KIF26B: variants seen among roughly 807,000 people sequenced by gnomAD.
KIF26B encodes the protein kinesin-like protein KIF26B.
Under a neutral mutation model 151.2 loss-of-function variants are expected in KIF26B, and 63 were observed. That is an observed-to-expected ratio of 0.42 (90% CI 0.34 to 0.51). The LOEUF is 0.51. Among genes scored for constraint, KIF26B ranks in the 20% least tolerant of loss-of-function variants. The probability of loss-of-function intolerance (pLI) is 0.07; values close to 1 mark genes in which losing one functional copy is unlikely to be tolerated. For synonymous variants in KIF26B, 1,357 were observed against 1,262.1 expected (o/e 1.08, Z -1.59); for missense variants, 2,813 against 2,913.6 (o/e 0.97, Z 0.79).
At chr1:245,592,637 A>G (rs567761285) in intron 5 of KIF26B, among the ~76,000 whole-genome samples, 10 of 152,114 alleles carry the variant, frequency 6.6e-5, no homozygotes, top group South Asian at 4.2e-4. Flanking sequence ...CCTGGAGGGC[A>G]CCCCAGCCCC....
At chr1:245,266,738 C>A (rs1461443944) in intron 2 of KIF26B, among the ~76,000 whole-genome samples, 1 of 152,108 alleles carries the variant, frequency 6.6e-6, no homozygotes, top group Non-Finnish European at 1.5e-5. Flanking sequence ...AACTCCTGAC[C>A]TTGTGATCCA....
intron 4 of KIF26B, among the ~76,000 whole-genome samples, chr1:245,449,015 A>G (rs138030165): frequency 6.6e-6 from 1 of 152,312 alleles, no homozygotes; most frequent in Admixed American, 6.5e-5. Flanking sequence ...AATGCCTGAA[A>G]CAAGGAGACT....
In KIF26B at chr1:245,388,947, C is replaced by T. The variant is rs147324447; in HGVS notation, c.999+21580C>T. On this transcript the variant is annotated intron_variant, in intron 3 of 14. Coordinates refer to ENST00000407071, the MANE Select transcript of KIF26B (RefSeq NM_018012.4). ...TAAGCATTGCAGAAGACAGCAGCGT[C>T]CCTGATGTTGGAAGGAAGTCAGGCT... 3.3e-5 allele frequency among the ~76,000 whole-genome samples: 5 copies of T among 152,284 alleles called. No homozygotes were observed. In the East Asian group the frequency reaches 9.7e-4, roughly 29 times the overall value.
chr1:245,297,327 A>G (rs944911855), intron 2 of KIF26B, among the ~76,000 whole-genome samples: 2 of 152,188 alleles, frequency 1.3e-5, no homozygotes, highest in Non-Finnish European at 2.9e-5. Flanking sequence ...TGAGTGACAG[A>G]GTGAGATTCT....
intron 12 of KIF26B, 93 bp downstream of exon 12, chr1:245,688,900 G>C: frequency 7.0e-7 from 1 of 1,427,604 alleles, no homozygotes; most frequent in Middle Eastern, 2.5e-4. Context: ...GCCCTGGGGA[G>C]GGGGCGTCCA....
intron 3 of KIF26B, among the ~76,000 whole-genome samples, chr1:245,383,975 CA>C (rs1673477856): frequency 6.6e-6 from 1 of 152,182 alleles, no homozygotes; most frequent in Non-Finnish European, 1.5e-5. Context: ...GAAAACTGTG[CA>C]GACAGCAAAG....
chr1:245,366,303 C>A (rs57434580), intron 2 of KIF26B, among the ~76,000 whole-genome samples: 1 of 152,018 alleles, frequency 6.6e-6, no homozygotes, highest in Non-Finnish European at 1.5e-5. Flanking sequence ...GAGGCCGAGG[C>A]GGGTGGATCA....
chr1:245,195,985 T>C (rs1266442054), intron 2 of KIF26B, among the ~76,000 whole-genome samples: 1 of 152,160 alleles, frequency 6.6e-6, no homozygotes, highest in Admixed American at 6.5e-5. Flanking sequence ...AAGGAGGGAC[T>C]GGAGCCCTTG....
intron 2 of KIF26B, among the ~76,000 whole-genome samples, chr1:245,288,921 A>G (rs1312392222): frequency 7.6e-6 from 1 of 131,170 alleles, no homozygotes; most frequent in Admixed American, 8.2e-5. Flanking sequence ...AATCTAAACA[A>G]TGCCACAACT....
rs901855601 is a variant in KIF26B, at chr1:245,563,155, C to T, written c.1350+22205C>T. Among the ~76,000 whole-genome samples the T allele has an allele frequency of 6.6e-6, 1 of 152,180 alleles. No homozygotes were observed. The highest frequency in any genetic ancestry group is 6.5e-5 in the Admixed American group (1 of 15,280). ...AAATGAGTCTATTGAAGGTGGAAAC[C>T]AGCACAATTCAAATGCTTTGCGTTA... On this transcript the variant is annotated intron_variant, in intron 5 of 14. Transcript: ENST00000407071. The surrounding 1 kb of genome is among the most constrained non-coding windows in gnomAD (Gnocchi z 4.6).
chr1:245,647,208 A>G (rs544017236), intron 10 of KIF26B, among the ~76,000 whole-genome samples: 16 of 151,978 alleles, frequency 1.1e-4, no homozygotes, highest in Non-Finnish European at 1.6e-4. Flanking sequence ...GGTGGATCAC[A>G]AGGTCAGGAG....
chr1:245,395,519 A>T (rs1413145904), intron 3 of KIF26B, among the ~76,000 whole-genome samples: 1 of 152,182 alleles, frequency 6.6e-6, no homozygotes, highest in South Asian at 2.1e-4. Context: ...GCAGCCCTCT[A>T]GACCTGAAGG....
chr1:245,469,576 C>T (rs186475363), intron 4 of KIF26B, among the ~76,000 whole-genome samples: 98 of 152,228 alleles, frequency 6.4e-4, no homozygotes, highest in African/African-American at 2.1e-3. Context: ...CACTCCAGGA[C>T]GAAACCATGC....
At chr1:245,231,372 C>T (rs1038391547) in intron 2 of KIF26B, among the ~76,000 whole-genome samples, 3 of 151,816 alleles carry the variant, frequency 2.0e-5, no homozygotes, top group South Asian at 2.1e-4. Context: ...AAAAATTAGC[C>T]GGGCGTGGTG....
At position 245,156,697 on chromosome 1, in the gene KIF26B, G is replaced by A; in HGVS notation, c.465+14G>A. On this transcript the variant is annotated intron_variant, in intron 2 of 14. Coordinates refer to ENST00000407071, the MANE Select transcript of KIF26B (RefSeq NM_018012.4). The stretch of plus-strand genomic sequence containing the variant: ...TTCCCGGGCAAGGTGAGCGCCGCGC[G>A]GGGCTGGCTGGGGAGGCGCCGGGAG... 7.0e-7 allele frequency: 1 copy of A among 1,438,542 alleles called. No homozygotes were observed. Among genetic ancestry groups the A allele is most frequent in the Non-Finnish European group, 9.1e-7 (1 of 1,102,174 alleles). The allele number at this position is 1,438,542 out of a possible 1,614,324, so 89.1% of individuals were successfully genotyped here.
intron 10 of KIF26B, among the ~76,000 whole-genome samples, chr1:245,655,159 C>T (rs1247636154): frequency 1.3e-5 from 2 of 152,184 alleles, no homozygotes; most frequent in Admixed American, 6.5e-5. Context: ...ACCCCTGCCA[C>T]GGCTAACCTC....
intron 3 of KIF26B, among the ~76,000 whole-genome samples, chr1:245,403,584 G>A (rs1242152714): frequency 1.3e-5 from 2 of 151,752 alleles, no homozygotes; most frequent in Non-Finnish European, 2.9e-5. Context: ...ACGTGCATGC[G>A]TGTGTGTGCA....
chr1:245,354,474 A>G (rs1413258728), intron 2 of KIF26B, among the ~76,000 whole-genome samples: 1 of 152,188 alleles, frequency 6.6e-6, no homozygotes, highest in African/African-American at 2.4e-5. Context: ...AGCCTCTTCC[A>G]CCACACTCTC....
rs2044557866 is a variant in KIF26B, at chr1:245,688,003, G to C, written c.5020G>C (p.Val1674Leu). ...AAGCAACTCGCTGGGCAGGGCGACA[G>C]TCAGCCACTACGAATGCCTCTCCCT... ...SRSNSLGRAT[V>L]SHYECLSLER... The change falls in exon 12 of 15, where the codon GTC becomes CTC. Residue 1674 changes from valine (V) to leucine (L), a missense_variant. Coordinates refer to ENST00000407071, the MANE Select transcript of KIF26B (RefSeq NM_018012.4). The C allele has an allele frequency of 1.9e-6, 3 of 1,564,174 alleles. No homozygotes were observed. Among genetic ancestry groups the C allele is most frequent in the Non-Finnish European group, 2.6e-6 (3 of 1,155,872 alleles).
Sources: gnomAD v4.1 joint callset for allele counts (sites outside exome capture counted in the v4.1 genomes callset) on GRCh38, gnomAD v4.1.1 for gene constraint, Gnocchi (gnomAD v3.1) non-coding constraint, MANE v1.5 for transcripts, NCBI Gene and HGNC (gene_info 2026-07-23, HGNC 2026-07-21) for gene names.